The following INTU variants were observed in gnomAD, a reference collection of about 807,000 sequenced individuals.
INTU encodes inturned planar cell polarity protein, also known as protein inturned.
Under a neutral mutation model 100.5 loss-of-function variants are expected in INTU, and 68 were observed. The ratio of observed to expected loss-of-function variants is 0.68; its 90% CI spans 0.56 to 0.83. The LOEUF (loss-of-function observed/expected upper bound fraction) is 0.83, where lower values mean the gene tolerates loss of function less well. INTU is among the 40% of genes least tolerant of loss of function. INTU has a pLI of 0.00. For missense variants in INTU, 1,071 were observed against 1,114.7 expected, an observed-to-expected ratio of 0.96 and a Z score of 0.56; for synonymous variants, 357 against 395.7, an observed-to-expected ratio of 0.90 and a Z score of 1.16.
intron 8 of INTU, chr4:127,699,244 A>G (rs1046302066): frequency 2.0e-5 from 3 of 152,176 alleles, no homozygotes; most frequent in Non-Finnish European, 2.9e-5. Context: ...ATTTGTATAT[A>G]TATTTGTATT....
chr4:127,696,444 A>C (rs1159991810), intron 8 of INTU, among the ~76,000 whole-genome samples: 4 of 152,004 alleles, frequency 2.6e-5, no homozygotes, highest in African/African-American at 9.7e-5. Flanking sequence ...CATTCCATCT[A>C]GGTTATCAAA....
At chr4:127,656,855 T>G in intron 3 of INTU, 134 bp downstream of exon 3, 1 of 460,536 alleles carries the variant, frequency 2.2e-6, no homozygotes, top group East Asian at 3.1e-5. Flanking sequence ...ACTTGCCTAT[T>G]TAAGAAAATT....
At chr4:127,663,206 G>A (rs903070121) in intron 3 of INTU, among the ~76,000 whole-genome samples, 175 bp from the exon 4 acceptor site, 3 of 152,004 alleles carry the variant, frequency 2.0e-5, no homozygotes, top group South Asian at 2.1e-4. Flanking sequence ...CCTAGGAGCC[G>A]AAGATACAAA....
chr4:127,649,707 TC>T (rs763882396), intron 2 of INTU, among the ~76,000 whole-genome samples: 1 of 152,116 alleles, frequency 6.6e-6, no homozygotes, highest in African/African-American at 2.4e-5. Flanking sequence ...TTATCCATCT[TC>T]CCCAAAGAAT....
At chr4:127,688,916 T>G in intron 8 of INTU, among the ~76,000 whole-genome samples, 1 of 144,404 alleles carries the variant, frequency 6.9e-6, no homozygotes, top group East Asian at 2.0e-4. Context: ...TCTTTTGATA[T>G]TTCAGGACAA....
At chr4:127,636,752 GAATTTTT>G (rs746988556) in intron 1 of INTU, among the ~76,000 whole-genome samples, 74 of 151,832 alleles carry the variant, frequency 4.9e-4, no homozygotes, top group Non-Finnish European at 1.0e-3. Context: ...TCTCTTTCTT[GAATTTTT>G]AACATGGGAA....
At chr4:127,672,920 T>G (rs955069002) in intron 5 of INTU, among the ~76,000 whole-genome samples, 4 of 152,246 alleles carry the variant, frequency 2.6e-5, no homozygotes, top group Admixed American at 2.6e-4. Flanking sequence ...ACTGAACATA[T>G]GTAAAATGTA....
In INTU at chr4:127,725,132, TAAA is replaced by T. The variant is rs763050553; in HGVS notation, c.*8719_*8721del. 11 of 79,358 alleles carry T rather than the reference TAAA, an allele frequency of 1.4e-4. No homozygotes were observed. Among genetic ancestry groups the T allele is most frequent in the East Asian group, 3.4e-4 (1 of 2,960 alleles). 4.9% of individuals were successfully genotyped at this position (79,358 alleles called of 1,614,324 possible). A position where few individuals can be genotyped will look rare whatever the true frequency, so the allele number is the denominator to read the frequency against. On this transcript the variant is annotated 3_prime_UTR_variant, in exon 16 of 16. Coordinates refer to ENST00000335251, the MANE Select transcript of INTU (RefSeq NM_015693.4). ...GAAACCCTGTCTCTACTAAAAATAC[TAAA>T]AAAAAAAAAAAAAAAAAAAAAATTA...
At chr4:127,667,588 C>G (rs1413184394) in intron 4 of INTU, among the ~76,000 whole-genome samples, 1 of 151,970 alleles carries the variant, frequency 6.6e-6, no homozygotes, top group African/African-American at 2.4e-5. Flanking sequence ...AAAAACTATT[C>G]AAAGAGTATA....
At chr4:127,659,195 C>CT (rs560442099) in intron 3 of INTU, among the ~76,000 whole-genome samples, 119 of 152,316 alleles carry the variant, frequency 7.8e-4, no homozygotes, top group African/African-American at 2.7e-3. Context: ...CCTAATGGTT[C>CT]TGGTACCTGT....
At chr4:127,645,613 T>C (rs2126180278) in intron 2 of INTU, among the ~76,000 whole-genome samples, 1 of 152,150 alleles carries the variant, frequency 6.6e-6, no homozygotes, top group East Asian at 1.9e-4. Context: ...CAGGCTAGAG[T>C]GCAATGGCAC....
intron 9 of INTU, among the ~76,000 whole-genome samples, chr4:127,702,770 C>A (rs1482459443): frequency 6.6e-6 from 1 of 151,904 alleles, no homozygotes; most frequent in African/African-American, 2.4e-5. Context: ...TCAGTAAATT[C>A]TTCTGTCCCC....
intron 9 of INTU, among the ~76,000 whole-genome samples, chr4:127,700,390 A>C (rs1341342827): frequency 6.6e-6 from 1 of 152,200 alleles, no homozygotes. Context: ...TGGAAGTGTC[A>C]ATATCGTTTT....
intron 1 of INTU, among the ~76,000 whole-genome samples, chr4:127,641,921 G>A (rs1435613010): frequency 1.3e-5 from 2 of 152,056 alleles, no homozygotes; most frequent in Non-Finnish European, 2.9e-5. Context: ...AAGTGGAAAA[G>A]ATGTTTCTTT....
Position 127,680,867 on chromosome 4 carries a change from T to A in INTU, c.1182-3542T>A, listed in dbSNP as rs997875390. 9.1e-3 allele frequency among the ~76,000 whole-genome samples: 1,376 copies of A among 151,928 alleles called. 21 individuals carry two copies. The highest frequency in any genetic ancestry group is 0.027 in the African/African-American group (1,131 of 41,388). On this transcript the variant is annotated intron_variant, in intron 6 of 15. Coordinates refer to ENST00000335251, the MANE Select transcript of INTU (RefSeq NM_015693.4). ...TCTAGAAAACCCCATTGTCTCAGCCTAAAATCTCCTTAAGCTGATAAGCAA... is the reference window on the plus strand; with the variant it reads ...TCTAGAAAACCCCATTGTCTCAGCCAAAAATCTCCTTAAGCTGATAAGCAA...
chr4:127,703,616 A>T (rs1730746253), intron 9 of INTU, among the ~76,000 whole-genome samples: 2 of 152,218 alleles, frequency 1.3e-5, no homozygotes, highest in African/African-American at 4.8e-5. Context: ...CATATAGATC[A>T]ATCATATTTT....
At position 127,716,894 on chromosome 4, in the gene INTU, G is replaced by C. The variant is rs1731276206; in HGVS notation, c.*458G>C. On this transcript the variant is annotated 3_prime_UTR_variant, in exon 16 of 16. Transcript: ENST00000335251. The stretch of plus-strand genomic sequence containing the variant: ...TAAGTAGTGCTATGACCATGAGCAA[G>C]TTTTTGTACCTCTCTAAGCTCAGAG... 6.6e-6 allele frequency: 1 copy of C among 152,244 alleles called. No homozygotes were observed. Among genetic ancestry groups the C allele is most frequent in the African/African-American group, 2.4e-5 (1 of 41,450 alleles). 9.4% of individuals were successfully genotyped at this position (152,244 alleles called of 1,614,324 possible).
At chr4:127,674,766 T>A (rs758786450) in intron 6 of INTU, among the ~76,000 whole-genome samples, 2 of 152,214 alleles carry the variant, frequency 1.3e-5, no homozygotes, top group African/African-American at 2.4e-5. Flanking sequence ...TATAATAAAC[T>A]GACCTTGTGC....
In INTU at chr4:127,642,776, GT is replaced by G. The variant is rs138877814; in HGVS notation, c.147-735del. 3.7e-5 allele frequency among the ~76,000 whole-genome samples: 5 copies of G among 133,546 alleles called. No individual in the cohort carries two copies. In the South Asian group the frequency reaches 7.1e-4, roughly 19 times the overall value. The allele number at this position is 133,546 out of a possible 152,430, so 87.6% of individuals were successfully genotyped here. On this transcript the variant is annotated intron_variant, in intron 1 of 15. Transcript: ENST00000335251. ...CAATCATTTTAATAGCAGTAATTTT[GT>G]TTTTTTTTTCAGTGGCATACTTCCC... is the stretch of plus-strand genomic sequence containing the variant.
Sources: allele counts gnomAD v4.1 joint callset (sites outside exome capture counted in the v4.1 genomes callset), GRCh38; gene constraint gnomAD v4.1.1; transcripts MANE v1.5; gene names NCBI Gene and HGNC (gene_info 2026-07-23, HGNC 2026-07-21).